The following LRRC53 variants were observed in gnomAD, a reference collection of about 807,000 sequenced individuals.
LRRC53 encodes the protein leucine rich repeat containing 53, also known as leucine-rich repeat-containing protein 53.
A neutral mutation model predicts 13.6 loss-of-function variants in LRRC53; 25 were observed. The ratio of observed to expected loss-of-function variants is 1.83; its 90% CI spans 1.34 to 2.56. LRRC53 has a LOEUF of 2.56. Among genes scored for constraint, LRRC53 ranks in the 30% most tolerant of loss-of-function variants. LRRC53 has a pLI of 0.00. For missense variants in LRRC53, 527 were observed against 275.8 expected, an observed-to-expected ratio of 1.91 and a Z score of -6.45; for synonymous variants, 204 against 109.8, an observed-to-expected ratio of 1.86 and a Z score of -5.37.
chr1:74,525,497 G>A, the LRRC53 span, among the ~76,000 whole-genome samples: 1 of 152,124 alleles, frequency 6.6e-6, no homozygotes, highest in African/African-American at 2.4e-5. Flanking sequence ...ATAGAACATT[G>A]AATCTGAGAG....
chr1:74,495,513 C>A (rs1669285815), intron 1 of LRRC53, among the ~76,000 whole-genome samples: 1 of 152,106 alleles, frequency 6.6e-6, no homozygotes, highest in African/African-American at 2.4e-5. Context: ...AGTGAATGAG[C>A]CTTAACTATT....
chr1:74,513,957 C>T (rs1557620045), upstream of LRRC53, among the ~76,000 whole-genome samples: 3 of 152,260 alleles, frequency 2.0e-5, no homozygotes, highest in South Asian at 2.1e-4. Context: ...AGTAAATAAT[C>T]TTCCAAAAAC....
At chr1:74,486,398 A>G (rs1451663238) in intron 1 of LRRC53, among the ~76,000 whole-genome samples, 1 of 152,122 alleles carries the variant, frequency 6.6e-6, no homozygotes, top group African/African-American at 2.4e-5. Flanking sequence ...CTACTTGATC[A>G]TTCAGATACT....
chr1:74,501,377 T>A (rs1226807161), intron 1 of LRRC53, among the ~76,000 whole-genome samples: 2 of 152,228 alleles, frequency 1.3e-5, no homozygotes, highest in Non-Finnish European at 2.9e-5. Context: ...ACCTGCTCCA[T>A]ACTTTTCTTC....
In LRRC53 at chr1:74,470,630, GT is replaced by G. The variant is rs1293325568; in HGVS notation, c.2991del (p.Lys997AsnfsTer25). On this transcript the variant is annotated frameshift_variant, in exon 5 of 5. Transcript: ENST00000294635. LOFTEE classifies it low-confidence loss of function (END_TRUNC). Reference protein sequence around the residue: ...MDKEENDVEKKLSKTETYDSS... With the variant: ...MDKEENDVEKXLSKTETYDSS... Reference sequence around the variant, plus strand: ...GAATCATAAGTTTCTGTTTTTGAAAGTTTTTTTTCTACATCATTTTCTTCCT... The same window carrying G: ...GAATCATAAGTTTCTGTTTTTGAAAGTTTTTTTCTACATCATTTTCTTCCT... 1.0e-5 allele frequency: 4 copies of G among 400,280 alleles called. No homozygotes were observed. Among genetic ancestry groups the G allele is most frequent in the East Asian group, 7.1e-5 (2 of 28,054 alleles). 24.8% of individuals were successfully genotyped at this position (400,280 alleles called of 1,614,324 possible). A position where few individuals can be genotyped will look rare whatever the true frequency, so the allele number is the denominator to read the frequency against.
At position 74,472,144 on chromosome 1, in the gene LRRC53, C is replaced by T. The variant is rs3765675; in HGVS notation, c.1478G>A (p.Gly493Glu). The T allele has an allele frequency of 0.026, 18,790 of 717,050 alleles. 813 individuals carry two copies. Among genetic ancestry groups the T allele is most frequent in the East Asian group, 0.14 (5,366 of 37,264 alleles). The allele number at this position is 717,050 out of a possible 1,614,324, so 44.4% of individuals were successfully genotyped here. ...TGTTAAACGCTTCTCAAGACTTTCT[C>T]CTGCCAAGGCTGAAGCGGGTGTTGC... Reference protein sequence around the residue: ...RYATPASALAGESLEKRLTNE... With the variant: ...RYATPASALAEESLEKRLTNE... The change falls in exon 5 of 5, where the codon GGA becomes GAA. Residue 493 changes from glycine to glutamate, a missense_variant. Coordinates refer to ENST00000294635, the MANE Select transcript of LRRC53 (RefSeq NM_001382280.1).
chr1:74,506,312 TA>T (rs1356167104), intron 1 of LRRC53, among the ~76,000 whole-genome samples: 4 of 152,298 alleles, frequency 2.6e-5, no homozygotes, highest in Admixed American at 2.6e-4. Context: ...AAGAGTTATT[TA>T]TCAGTATTCT....
chr1:74,469,737 T>C lies in LRRC53; in HGVS notation c.*141A>G. The stretch of plus-strand genomic sequence containing the variant: ...CATATATTCAACTCTGGTTTTATTT[T>C]ATTGATAACAAAGAGTTACTGAGGA... On this transcript the variant is annotated 3_prime_UTR_variant, in exon 5 of 5. Transcript: ENST00000294635. 2.5e-6 allele frequency: 1 copy of C among 395,546 alleles called. No individual in the cohort carries two copies. Among genetic ancestry groups the C allele is most frequent in the Non-Finnish European group, 4.5e-6 (1 of 224,260 alleles). 24.5% of individuals were successfully genotyped at this position (395,546 alleles called of 1,614,324 possible). A position where few individuals can be genotyped will look rare whatever the true frequency, so the allele number is the denominator to read the frequency against.
chr1:74,496,420 A>T (rs1669328687), intron 1 of LRRC53, among the ~76,000 whole-genome samples: 1 of 152,114 alleles, frequency 6.6e-6, no homozygotes, highest in South Asian at 2.1e-4. Context: ...TAGCATTATG[A>T]TTTTGAAAAA....
At chr1:74,495,063 C>A (rs1669258664) in intron 1 of LRRC53, among the ~76,000 whole-genome samples, 1 of 152,146 alleles carries the variant, frequency 6.6e-6, no homozygotes, top group South Asian at 2.1e-4. Flanking sequence ...GTGAAAAAAC[C>A]CATCAGCTTT....
chr1:74,482,508 T>A (rs1463511917), intron 2 of LRRC53, among the ~76,000 whole-genome samples: 1 of 152,180 alleles, frequency 6.6e-6, no homozygotes, highest in Non-Finnish European at 1.5e-5. Flanking sequence ...CATGAAAACC[T>A]CTCTGTCCTG....
chr1:74,536,328 A>G, the LRRC53 span, among the ~76,000 whole-genome samples: 3 of 152,212 alleles, frequency 2.0e-5, no homozygotes, highest in Non-Finnish European at 4.4e-5. Flanking sequence ...AATGGCATGC[A>G]CACTCCAAAA....
chr1:74,469,791 C>T lies in LRRC53; in HGVS notation c.*87G>A. ...TGTTGTCCTCCAAAATGATCCACTT[C>T]TAATGCATGCAAAGGCTAGTGGGTG... On this transcript the variant is annotated 3_prime_UTR_variant, in exon 5 of 5. Transcript: ENST00000294635. 1 of 398,426 alleles carries T rather than the reference C, an allele frequency of 2.5e-6. No homozygotes were observed. The allele number at this position is 398,426 out of a possible 1,614,324, so 24.7% of individuals were successfully genotyped here.
chr1:74,483,426 C>T, intron 1 of LRRC53, 51 bp from the exon 2 acceptor site: 1 of 700,388 alleles, frequency 1.4e-6, no homozygotes, highest in Non-Finnish European at 2.7e-6. Context: ...CATTCACTGT[C>T]CATTATTTCT....
the LRRC53 span, among the ~76,000 whole-genome samples, chr1:74,523,946 C>G: frequency 6.6e-6 from 1 of 152,098 alleles, no homozygotes; most frequent in Non-Finnish European, 1.5e-5. Flanking sequence ...CCGACAGGCC[C>G]CAGTGTGTGA....
chr1:74,478,585 A>G (rs556410664), intron 3 of LRRC53, among the ~76,000 whole-genome samples: 32 of 152,346 alleles, frequency 2.1e-4, no homozygotes, highest in African/African-American at 7.5e-4. Flanking sequence ...ATCATGGCCA[A>G]ATAAGTTCAA....
At chr1:74,523,931 C>G in the LRRC53 span, among the ~76,000 whole-genome samples, 5 of 152,134 alleles carry the variant, frequency 3.3e-5, no homozygotes, top group African/African-American at 4.8e-5. Context: ...CCTTTCCCCC[C>G]ACCCCCGACA....
At chr1:74,509,762 T>C (rs1184833853) in intron 1 of LRRC53, among the ~76,000 whole-genome samples, 3 of 135,160 alleles carry the variant, frequency 2.2e-5, no homozygotes, top group African/African-American at 8.3e-5. Context: ...TTTTTTTTTT[T>C]TTTTTTTTTT....
intron 1 of LRRC53, among the ~76,000 whole-genome samples, chr1:74,497,203 G>A (rs1669373056): frequency 6.6e-6 from 1 of 152,094 alleles, no homozygotes. Flanking sequence ...TGACACTGAT[G>A]TTCCTAGGAA....
Sources: allele counts gnomAD v4.1 joint callset (sites outside exome capture counted in the v4.1 genomes callset), GRCh38; gene constraint gnomAD v4.1.1; transcripts MANE v1.5; gene names NCBI Gene and HGNC (gene_info 2026-07-23, HGNC 2026-07-21).